MYO18B: variants seen among roughly 807,000 people sequenced by gnomAD.
MYO18B encodes unconventional myosin-XVIIIb.
MYO18B carries 204 observed loss-of-function variants against 273.0 expected under a neutral mutation model. That is an observed-to-expected ratio of 0.75 (90% CI 0.67 to 0.84). The LOEUF is 0.84. Ranked by LOEUF, MYO18B falls within the 40% of genes least tolerant of loss-of-function variation. MYO18B has a pLI of 0.00. For missense variants in MYO18B, 3,212 were observed against 3,287.6 expected (o/e 0.98, Z 0.56); for synonymous variants, 1,330 against 1,305.7 (o/e 1.02, Z -0.40).
intron 12 of MYO18B, among the ~76,000 whole-genome samples, chr22:25,810,341 G>A (rs1372197268): frequency 1.3e-5 from 2 of 149,638 alleles, no homozygotes; most frequent in South Asian, 2.1e-4. Flanking sequence ...CTCGTGATCC[G>A]CCTGCCTCAG....
At chr22:26,047,947 C>T in the MYO18B span, among the ~76,000 whole-genome samples, 1 of 152,124 alleles carries the variant, frequency 6.6e-6, no homozygotes, top group Non-Finnish European at 1.5e-5. Context: ...TTCTTTTCTA[C>T]CTCTGATCCT....
intron 3 of MYO18B, among the ~76,000 whole-genome samples, chr22:25,765,826 T>C (rs1164039623): frequency 6.6e-6 from 1 of 152,160 alleles, no homozygotes; most frequent in Admixed American, 6.5e-5. Context: ...CATGTTACTG[T>C]CTCCTCTGTG....
chr22:25,933,536 C>A (rs951325496), intron 34 of MYO18B, among the ~76,000 whole-genome samples: 5 of 152,102 alleles, frequency 3.3e-5, no homozygotes, highest in African/African-American at 1.2e-4. Flanking sequence ...TGTATCTTGC[C>A]TTTTTTCCCT....
chr22:25,797,511 A>C (rs532811801), intron 11 of MYO18B, among the ~76,000 whole-genome samples: 1 of 152,288 alleles, frequency 6.6e-6, no homozygotes, highest in South Asian at 2.1e-4. Flanking sequence ...TCTAGGCCCT[A>C]CCTATAGACC....
At position 25,895,298 on chromosome 22, in the gene MYO18B, T is replaced by A. The variant is rs16980989; in HGVS notation, c.4668+18T>A. 2,805 of 1,583,346 alleles carry A rather than the reference T, an allele frequency of 1.8e-3. 44 individuals carry two copies. In the African/African-American group the frequency reaches 0.033, roughly 19 times the overall value. ...AGCAAAAGGTAAGATGTGGGGATAG[T>A]CTGGGCCACAGAAGTGTTAGAGAGT... is the stretch of plus-strand genomic sequence containing the variant. On this transcript the variant is annotated intron_variant, in intron 28 of 43. Transcript: ENST00000335473.
chr22:25,776,596 TCAAAA>T (rs1362758494), intron 7 of MYO18B, among the ~76,000 whole-genome samples: 3 of 151,956 alleles, frequency 2.0e-5, no homozygotes, highest in African/African-American at 4.8e-5. Context: ...AAACTCTGTC[TCAAAA>T]CAAAAAACAA....
chr22:26,022,618 T>G (rs1935915073), intron 42 of MYO18B, among the ~76,000 whole-genome samples: 1 of 152,170 alleles, frequency 6.6e-6, no homozygotes, highest in Admixed American at 6.5e-5. Flanking sequence ...ACTCGACCCC[T>G]ACTGCTCCTC....
downstream of MYO18B, among the ~76,000 whole-genome samples, chr22:26,032,959 A>G (rs1340471388): frequency 1.2e-4 from 19 of 152,178 alleles, no homozygotes; most frequent in Non-Finnish European, 1.5e-5. Flanking sequence ...TAATCTATTA[A>G]TTTATTATTC....
At chr22:26,056,206 G>GT in the MYO18B span, among the ~76,000 whole-genome samples, 18 of 152,304 alleles carry the variant, frequency 1.2e-4, 1 homozygote, top group South Asian at 3.5e-3. Context: ...TTGAGCTCTT[G>GT]TAAGTACTGA....
At chr22:25,998,708 C>G (rs1055515264) in intron 40 of MYO18B, among the ~76,000 whole-genome samples, 1 of 152,182 alleles carries the variant, frequency 6.6e-6, no homozygotes, top group African/African-American at 2.4e-5. Flanking sequence ...GTCATTGGAA[C>G]TTCCAACAGC....
At chr22:25,831,394 G>C (rs372105317) in intron 15 of MYO18B, among the ~76,000 whole-genome samples, 2 of 152,046 alleles carry the variant, frequency 1.3e-5, no homozygotes, top group South Asian at 4.1e-4. Flanking sequence ...AAAATTTTTT[G>C]TTTTTTAGAT....
chr22:25,793,449 G>C (rs2087766764), intron 11 of MYO18B, among the ~76,000 whole-genome samples: 1 of 152,120 alleles, frequency 6.6e-6, no homozygotes, highest in South Asian at 2.1e-4. Context: ...ATGTTGCCCA[G>C]GCTGGTCTCG....
chr22:25,905,062 A>C (rs2092014440), intron 31 of MYO18B, among the ~76,000 whole-genome samples: 1 of 152,016 alleles, frequency 6.6e-6, no homozygotes, highest in African/African-American at 2.4e-5. Context: ...TTTTAAAAAA[A>C]ATGCTGAGGC....
chr22:25,761,239 C>T, intron 2 of MYO18B, 108 bp downstream of exon 2: 1 of 1,254,264 alleles, frequency 8.0e-7, no homozygotes, highest in Admixed American at 1.7e-5. Flanking sequence ...GACATCCAGC[C>T]CTCCTAGTAG....
Position 25,759,886 on chromosome 22 carries a change from G to A in MYO18B, c.-109-1098G>A, listed in dbSNP as rs547083814. ...GCTCTTTCAATGCTACAGTCAACATGGTGATGAAATTTTCTGGTTTAGGAT... is the reference window on the plus strand; with the variant it reads ...GCTCTTTCAATGCTACAGTCAACATAGTGATGAAATTTTCTGGTTTAGGAT... On this transcript the variant is annotated intron_variant, in intron 1 of 43. Coordinates refer to ENST00000335473, the MANE Select transcript of MYO18B (RefSeq NM_032608.7). Among the ~76,000 whole-genome samples the A allele has an allele frequency of 1.1e-4, 17 of 152,238 alleles. No homozygotes were observed. In the South Asian group the frequency reaches 2.1e-3, roughly 19 times the overall value.
chr22:25,890,725 C>T lies in MYO18B; in HGVS notation c.4315-31C>T, dbSNP rs777904047. 124 of 1,612,086 alleles carry T rather than the reference C, an allele frequency of 7.7e-5. 1 individual carries two copies. The highest frequency in any genetic ancestry group is 3.8e-4 in the East Asian group (17 of 44,812). ...AGGGTTGGTGGCTCCATCGAGTGAC[C>T]GTTCCTTGATCACCCCATTCCCCAT... On this transcript the variant is annotated intron_variant, in intron 25 of 43. Coordinates refer to ENST00000335473, the MANE Select transcript of MYO18B (RefSeq NM_032608.7).
chr22:25,952,332 T>G lies in MYO18B; in HGVS notation c.5879T>G (p.Val1960Gly). 1 of 1,611,962 alleles carries G rather than the reference T, an allele frequency of 6.2e-7. No individual in the cohort carries two copies. The highest frequency in any genetic ancestry group is 8.5e-7 in the Non-Finnish European group (1 of 1,179,136). Reference protein sequence around the residue: ...MRIEYLEQSTVDRAIVSRQEA... With the variant: ...MRIEYLEQSTGDRAIVSRQEA... ...ATCGAGTACCTGGAACAGTCCACCG[T>G]GGATCGAGCCATCGTCAGCAGGCAG... Residue 1960 changes from valine (V) to glycine (G), a missense_variant, in exon 38 of 44, where the codon GTG becomes GGG. Val to Gly is a moderately radical substitution (Grantham distance 109, BLOSUM62 -3). Transcript: ENST00000335473.
In MYO18B at chr22:25,829,370, C is replaced by A. The variant is rs186944017; in HGVS notation, c.2979+402C>A. Among the ~76,000 whole-genome samples, 338 of 152,282 alleles carry A rather than the reference C, an allele frequency of 2.2e-3. 1 individual carries two copies. The highest frequency in any genetic ancestry group is 7.8e-3 in the African/African-American group (326 of 41,554). ...GGGTGGCAGCAGTGGGCTCCACACC[C>A]CTCTGCAGCACAGCACGGTGAGTCT... On this transcript the variant is annotated intron_variant, in intron 15 of 43. Coordinates refer to ENST00000335473, the MANE Select transcript of MYO18B (RefSeq NM_032608.7).
chr22:25,872,069 TG>T (rs2091062877), intron 22 of MYO18B, among the ~76,000 whole-genome samples: 1 of 152,164 alleles, frequency 6.6e-6, no homozygotes, highest in Non-Finnish European at 1.5e-5. Context: ...GAGCCAATTG[TG>T]TCTTTATTTC....
Sources: gnomAD v4.1 joint callset for allele counts (sites outside exome capture counted in the v4.1 genomes callset) on GRCh38, gnomAD v4.1.1 for gene constraint, MANE v1.5 for transcripts, NCBI Gene and HGNC (gene_info 2026-07-23, HGNC 2026-07-21) for gene names.